The following NCK2 variants were observed in gnomAD, a reference collection of about 807,000 sequenced individuals.
The protein encoded by NCK2 is NCK adaptor protein 2.
Under a neutral mutation model 33.9 loss-of-function variants are expected in NCK2, and 16 were observed. That is an observed-to-expected ratio of 0.47 (90% CI 0.32 to 0.72). The LOEUF is 0.72. NCK2 is among the 30% of genes least tolerant of loss of function. The pLI is 0.03. For synonymous variants in NCK2, 273 were observed against 239.9 expected (o/e 1.14, Z -1.27); for missense variants, 418 against 537.3 (o/e 0.78, Z 2.19).
At position 105,893,695 on chromosome 2, in the gene NCK2, G is replaced by A. The variant is rs1010330268; in HGVS notation, c.*519G>A. 4 of 152,130 alleles carry A rather than the reference G, an allele frequency of 2.6e-5. No homozygotes were observed. The highest frequency in any genetic ancestry group is 9.8e-5 in the African/African-American group (4 of 40,968). 9.4% of individuals were successfully genotyped at this position (152,130 alleles called of 1,614,324 possible). ...ACTGGAACCACCGGGTGCGATGGCA[G>A]TGAGGAGACTGCCCAGTGCCTTTGG... On this transcript the variant is annotated 3_prime_UTR_variant, in exon 5 of 5. Coordinates refer to ENST00000233154, the MANE Select transcript of NCK2 (RefSeq NM_003581.5).
chr2:105,830,428 A>G lies in NCK2; in HGVS notation c.-17+13815A>G, dbSNP rs578212792. Among the ~76,000 whole-genome samples, 14 of 152,286 alleles carry G rather than the reference A, an allele frequency of 9.2e-5. No individual in the cohort carries two copies. In the South Asian group the frequency reaches 2.9e-3, roughly 32 times the overall value. On this transcript the variant is annotated intron_variant, in intron 2 of 4. Transcript: ENST00000233154. ...AGAATTTTATTTTTTTTCTGGCTGA[A>G]TAGTATTCCACTGTGTATATGTACC...
intron 1 of NCK2, among the ~76,000 whole-genome samples, chr2:105,801,705 T>G (rs1674848229): frequency 6.6e-6 from 1 of 151,890 alleles, no homozygotes; most frequent in Admixed American, 6.6e-5. Context: ...GGGCTGGGTG[T>G]TTGGGGACAG....
chr2:105,858,111 C>A (rs1218273815), intron 3 of NCK2, among the ~76,000 whole-genome samples: 2 of 147,430 alleles, frequency 1.4e-5, no homozygotes, highest in Non-Finnish European at 3.0e-5. Context: ...CTTCCTATTA[C>A]TGTTGGTGAT....
chr2:105,893,191 C>A lies in NCK2; in HGVS notation c.*15C>A. 6.4e-7 allele frequency: 1 copy of A among 1,566,464 alleles called. No individual in the cohort carries two copies. Among genetic ancestry groups the A allele is most frequent in the East Asian group, 2.4e-5 (1 of 42,250 alleles). ...CCCTGCAGTGACGGCGCCCCGGCCCCACACTCGCCTCCCGGGCCCCACGGT... is the reference window on the plus strand; with the variant it reads ...CCCTGCAGTGACGGCGCCCCGGCCCAACACTCGCCTCCCGGGCCCCACGGT... On this transcript the variant is annotated 3_prime_UTR_variant, in exon 5 of 5. Transcript: ENST00000233154.
intron 2 of NCK2, chr2:105,847,301 A>C (rs1302851568): frequency 6.6e-6 from 1 of 151,956 alleles, no homozygotes; most frequent in African/African-American, 2.4e-5. Context: ...AAAAATGGTT[A>C]ATCTGCAGGG....
At chr2:105,798,539 C>A (rs1286634471) in intron 1 of NCK2, among the ~76,000 whole-genome samples, 1 of 152,158 alleles carries the variant, frequency 6.6e-6, no homozygotes, top group African/African-American at 2.4e-5. Flanking sequence ...TTTTCATCTT[C>A]CATATCTGAT....
intron 1 of NCK2, chr2:105,745,911 A>C (rs987049844): frequency 2.0e-5 from 3 of 152,152 alleles, no homozygotes; most frequent in African/African-American, 7.2e-5. Context: ...CATGGAGGGT[A>C]ACTGCCTTAT....
At chr2:105,788,107 T>G (rs181599403) in intron 1 of NCK2, among the ~76,000 whole-genome samples, 4 of 152,312 alleles carry the variant, frequency 2.6e-5, no homozygotes, top group East Asian at 3.9e-4. Context: ...AATTTGACTT[T>G]CCTTTCACTT....
chr2:105,855,261 C>G lies in NCK2; in HGVS notation c.198C>G (p.Ser66=). ...VERKNSLKKG[S]LVKNLKDTLG... ...GGAAGAACAGCCTGAAGAAGGGCTCCCTCGTGAAGAACCTGAAGGACACAC... is the reference window on the plus strand; with the variant it reads ...GGAAGAACAGCCTGAAGAAGGGCTCGCTCGTGAAGAACCTGAAGGACACAC... Residue 66 remains serine (S), a synonymous_variant, in exon 3 of 5, where the codon TCC becomes TCG. Coordinates refer to ENST00000233154, the MANE Select transcript of NCK2 (RefSeq NM_003581.5). 6.2e-7 allele frequency: 1 copy of G among 1,610,186 alleles called. No individual in the cohort carries two copies. Among genetic ancestry groups the G allele is most frequent in the Non-Finnish European group, 8.5e-7 (1 of 1,178,192 alleles).
chr2:105,778,097 G>A (rs1690371935), intron 1 of NCK2, among the ~76,000 whole-genome samples: 1 of 152,184 alleles, frequency 6.6e-6, no homozygotes. Flanking sequence ...TGAGCTCTGT[G>A]AAGTGAGAGA....
intron 1 of NCK2, among the ~76,000 whole-genome samples, chr2:105,798,940 C>G (rs1291666590): frequency 2.0e-5 from 3 of 152,274 alleles, no homozygotes; most frequent in South Asian, 4.1e-4. Context: ...CTCCAGTGGT[C>G]TGAAAGGTGA....
chr2:105,879,167 G>A (rs571559487), intron 3 of NCK2, among the ~76,000 whole-genome samples: 4 of 151,746 alleles, frequency 2.6e-5, no homozygotes, highest in African/African-American at 7.2e-5. Flanking sequence ...AGTAGCTTTT[G>A]TAATTCACAT....
intron 2 of NCK2, among the ~76,000 whole-genome samples, chr2:105,831,677 A>T (rs1329201014): frequency 1.3e-5 from 2 of 151,978 alleles, no homozygotes; most frequent in African/African-American, 4.8e-5. Flanking sequence ...TGTTCTTGAC[A>T]CCTTTGTTGA....
intron 1 of NCK2, among the ~76,000 whole-genome samples, chr2:105,790,629 A>C (rs184336722): frequency 6.6e-6 from 1 of 152,110 alleles, no homozygotes; most frequent in Non-Finnish European, 1.5e-5. Flanking sequence ...CATCCCCCGC[A>C]CCTGTCCTCA....
rs56220635 is a variant in NCK2 at position 105,830,670 on chromosome 2, GGTGTGTGT to G, written c.-17+14096_-17+14103del. Among the ~76,000 whole-genome samples the G allele has an allele frequency of 2.9e-3, 284 of 99,038 alleles. 2 individuals carry two copies. Among genetic ancestry groups the G allele is most frequent in the East Asian group, 8.2e-3 (29 of 3,536 alleles). The allele number at this position is 99,038 out of a possible 152,430, so 65.0% of individuals were successfully genotyped here. On this transcript the variant is annotated intron_variant, in intron 2 of 4. Transcript: ENST00000233154. ...TTGTTTGCATCCTTGCCAGGAATTT[GGTGTGTGT>G]GTGTGTGTGTGTGTGTGTGTGTGTG...
intron 1 of NCK2, among the ~76,000 whole-genome samples, chr2:105,770,414 T>C (rs558688146): frequency 6.6e-6 from 1 of 152,350 alleles, no homozygotes; most frequent in African/African-American, 2.4e-5. Flanking sequence ...GGTAGATTTA[T>C]GTGTCCTGAT....
intron 1 of NCK2, among the ~76,000 whole-genome samples, chr2:105,767,966 G>A (rs1690001592): frequency 6.6e-6 from 1 of 151,966 alleles, no homozygotes; most frequent in Non-Finnish European, 1.5e-5. Context: ...AAAAATTTGA[G>A]ACAAAAAAAT....
chr2:105,893,490 G>A lies in NCK2; in HGVS notation c.*314G>A. ...GAACCCCTCTTTAAAAAGACGCAGG[G>A]CACCTGTGAGCGCAGGAGCGAGCCT... On this transcript the variant is annotated 3_prime_UTR_variant, in exon 5 of 5. Coordinates refer to ENST00000233154, the MANE Select transcript of NCK2 (RefSeq NM_003581.5). 1 of 308,992 alleles carries A rather than the reference G, an allele frequency of 3.2e-6. No individual in the cohort carries two copies. Among genetic ancestry groups the A allele is most frequent in the Non-Finnish European group, 6.3e-6 (1 of 157,992 alleles). The allele number at this position is 308,992 out of a possible 1,614,324, so 19.1% of individuals were successfully genotyped here.
In NCK2 at chr2:105,832,371, C is replaced by T. The variant is rs144271477; in HGVS notation, c.-17+15758C>T. On this transcript the variant is annotated intron_variant, in intron 2 of 4. Transcript: ENST00000233154. ...TATAAACAATACATTGAATAAGAGT[C>T]GTGAAGGAATAGGCATTCTTATATT... is the stretch of plus-strand genomic sequence containing the variant. Among the ~76,000 whole-genome samples, 218 of 152,170 alleles carry T rather than the reference C, an allele frequency of 1.4e-3. 1 individual carries two copies. Among genetic ancestry groups the T allele is most frequent in the African/African-American group, 4.4e-3 (181 of 41,512 alleles).
Sources: allele counts gnomAD v4.1 joint callset (sites outside exome capture counted in the v4.1 genomes callset), GRCh38; gene constraint gnomAD v4.1.1; transcripts MANE v1.5; gene names NCBI Gene and HGNC (gene_info 2026-07-23, HGNC 2026-07-21).